Variants in TLL1 observed in about 807,000 individuals in gnomAD.
The protein encoded by TLL1 is tolloid-like protein 1.
TLL1 carries 49 observed loss-of-function variants against 128.2 expected under a neutral mutation model. That is an observed-to-expected ratio of 0.38 (90% confidence interval 0.30 to 0.48). TLL1 has a LOEUF of 0.48. TLL1 is among the 20% of genes least tolerant of loss of function. The pLI, the probability that TLL1 is intolerant of heterozygous loss-of-function variation, is 0.96. For missense variants in TLL1, 1,123 were observed against 1,242.0 expected, an observed-to-expected ratio of 0.90 and a Z score of 1.44; for synonymous variants, 454 against 418.8, an observed-to-expected ratio of 1.08 and a Z score of -1.03.
Position 165,937,427 on chromosome 4 carries a change from T to C in TLL1, c.170-51954T>C, listed in dbSNP as rs565635619. Among the ~76,000 whole-genome samples the C allele has an allele frequency of 5.9e-5, 9 of 152,274 alleles. No homozygotes were observed. The South Asian group carries it at 1.9e-3, about 32-fold the overall frequency. ...TCTCAGAATAACTATGCTAGTACTA[T>C]TACTACCAATTCTGATTACTGAAAA... On this transcript the variant is annotated intron_variant, in intron 1 of 20. Coordinates refer to ENST00000061240, the MANE Select transcript of TLL1 (RefSeq NM_012464.5).
chr4:166,004,815 G>A lies in TLL1; in HGVS notation c.811+1246G>A, dbSNP rs866094808. 3.3e-5 allele frequency among the ~76,000 whole-genome samples: 5 copies of A among 152,030 alleles called. No homozygotes were observed. The South Asian group carries it at 6.2e-4, about 19-fold the overall frequency. On this transcript the variant is annotated intron_variant, in intron 6 of 20. Transcript: ENST00000061240. ...GAAAGATTCTCTATGATGTAAACCTGGGGAGGAAATTCAGGTTTTATTCTC... is the reference window on the plus strand; with the variant it reads ...GAAAGATTCTCTATGATGTAAACCTAGGGAGGAAATTCAGGTTTTATTCTC...
chr4:166,046,036 A>C (rs1218870815), intron 12 of TLL1, among the ~76,000 whole-genome samples: 1 of 152,186 alleles, frequency 6.6e-6, no homozygotes, highest in East Asian at 1.9e-4. Context: ...TCTCACTAGA[A>C]TATGTCCACC....
intron 8 of TLL1, among the ~76,000 whole-genome samples, chr4:166,022,661 G>T (rs1249104471): frequency 6.6e-6 from 1 of 152,180 alleles, no homozygotes; most frequent in Admixed American, 6.5e-5. Flanking sequence ...AGATGGATGT[G>T]GAGTCAGCTA....
intron 15 of TLL1, among the ~76,000 whole-genome samples, chr4:166,065,189 C>T (rs773071368): frequency 6.6e-6 from 1 of 152,004 alleles, no homozygotes; most frequent in Non-Finnish European, 1.5e-5. Flanking sequence ...CTGCAGCAAC[C>T]CTACAGAGTA....
At chr4:165,948,248 C>A (rs751435331) in intron 1 of TLL1, among the ~76,000 whole-genome samples, 2 of 152,116 alleles carry the variant, frequency 1.3e-5, no homozygotes, top group Non-Finnish European at 2.9e-5. Flanking sequence ...ATGTTACGAG[C>A]AGATAACTTG....
At chr4:166,061,559 T>G (rs1740315319) in intron 15 of TLL1, among the ~76,000 whole-genome samples, 1 of 152,056 alleles carries the variant, frequency 6.6e-6, no homozygotes, top group African/African-American at 2.4e-5. Flanking sequence ...TCCTTTTAAT[T>G]ACTTTTTTTC....
chr4:166,050,949 C>G (rs1361552764), intron 12 of TLL1, among the ~76,000 whole-genome samples: 1 of 152,136 alleles, frequency 6.6e-6, no homozygotes, highest in Non-Finnish European at 1.5e-5. Context: ...GTATTTGGCT[C>G]TACTTCTGAT....
At chr4:166,056,193 G>C (rs1739999604) in intron 13 of TLL1, among the ~76,000 whole-genome samples, 1 of 151,928 alleles carries the variant, frequency 6.6e-6, no homozygotes, top group African/African-American at 2.4e-5. Context: ...TTTTCTGTAT[G>C]TGATATATTT....
intron 1 of TLL1, among the ~76,000 whole-genome samples, chr4:165,971,912 T>C (rs1056407514): frequency 6.6e-6 from 1 of 152,158 alleles, no homozygotes; most frequent in Non-Finnish European, 1.5e-5. Flanking sequence ...TACAGTTTTG[T>C]CAGTGATCTG....
intron 1 of TLL1, among the ~76,000 whole-genome samples, chr4:165,941,218 TG>T (rs1397359177): frequency 6.6e-6 from 1 of 152,094 alleles, no homozygotes; most frequent in Non-Finnish European, 1.5e-5. Context: ...ACTTACTTAA[TG>T]GGTCCTTGCT....
intron 1 of TLL1, among the ~76,000 whole-genome samples, chr4:165,935,136 G>A (rs1462206985): frequency 6.6e-6 from 1 of 152,144 alleles, no homozygotes; most frequent in Non-Finnish European, 1.5e-5. Context: ...ATAAGGAGAT[G>A]GAAAATCAGA....
intron 12 of TLL1, chr4:166,044,455 C>G: frequency 6.5e-7 from 1 of 1,529,426 alleles, no homozygotes; most frequent in African/African-American, 1.4e-5. Context: ...TTCTTCAGTA[C>G]TTGTCTCTGT....
chr4:166,095,467 A>G (rs1297222170), intron 19 of TLL1, among the ~76,000 whole-genome samples: 2 of 152,234 alleles, frequency 1.3e-5, no homozygotes, highest in African/African-American at 2.4e-5. Context: ...AAACAGAAAA[A>G]CAGGAGAAAC....
intron 18 of TLL1, among the ~76,000 whole-genome samples, chr4:166,081,267 G>T (rs1741271442): frequency 6.6e-6 from 1 of 152,088 alleles, no homozygotes; most frequent in African/African-American, 2.4e-5. Context: ...TGCCTCCAGT[G>T]GGTCTGTACC....
chr4:165,954,673 C>A (rs1444723581), intron 1 of TLL1, among the ~76,000 whole-genome samples: 5 of 152,054 alleles, frequency 3.3e-5, no homozygotes, highest in Admixed American at 3.3e-4. Flanking sequence ...AGGAACCTTG[C>A]TGGAAATAAA....
chr4:165,963,082 T>C (rs11729218), intron 1 of TLL1, among the ~76,000 whole-genome samples: 81,571 of 116,632 alleles, frequency 0.7, 29,589 homozygotes, highest in Admixed American at 0.77. Flanking sequence ...AAAAAAAAAG[T>C]GGTAGCTAAA....
chr4:166,015,825 T>C (rs186114771), intron 8 of TLL1, among the ~76,000 whole-genome samples: 1 of 151,834 alleles, frequency 6.6e-6, no homozygotes, highest in East Asian at 1.9e-4. Context: ...TCCTTAATAC[T>C]AGATTTGCTA....
At chr4:165,880,302 C>T (rs1166871065) in intron 1 of TLL1, among the ~76,000 whole-genome samples, 1 of 152,124 alleles carries the variant, frequency 6.6e-6, no homozygotes, top group Admixed American at 6.5e-5. Context: ...CTGAAGAGCT[C>T]AACTACATAT....
At chr4:165,965,657 G>T (rs1417921161) in intron 1 of TLL1, among the ~76,000 whole-genome samples, 1 of 152,182 alleles carries the variant, frequency 6.6e-6, no homozygotes, top group Non-Finnish European at 1.5e-5. Flanking sequence ...CTTCATGTCA[G>T]CATAGATACG....
Sources: allele counts gnomAD v4.1 joint callset (sites outside exome capture counted in the v4.1 genomes callset), GRCh38; gene constraint gnomAD v4.1.1; transcripts MANE v1.5; gene names NCBI Gene and HGNC (gene_info 2026-07-23, HGNC 2026-07-21).